Variants in KHDRBS2 observed in about 807,000 individuals in gnomAD.
KHDRBS2 encodes KH domain-containing, RNA-binding, signal transduction-associated protein 2.
Under a neutral mutation model 44.3 loss-of-function variants are expected in KHDRBS2, and 26 were observed. The observed-to-expected ratio is 0.59, with a 90% CI of 0.43 to 0.81. The LOEUF (loss-of-function observed/expected upper bound fraction) is 0.81. Among genes scored for constraint, KHDRBS2 ranks in the 40% least tolerant of loss-of-function variants. The pLI, the probability that KHDRBS2 is intolerant of heterozygous loss-of-function variation, is 0.00. For synonymous variants in KHDRBS2, 194 were observed against 151.1 expected, an observed-to-expected ratio of 1.28 and a Z score of -2.08; for missense variants, 476 against 433.1, an observed-to-expected ratio of 1.10 and a Z score of -0.88.
chr6:61,944,630 T>C (rs1427594654), intron 4 of KHDRBS2, among the ~76,000 whole-genome samples: 1 of 151,914 alleles, frequency 6.6e-6, no homozygotes, highest in East Asian at 1.9e-4. Flanking sequence ...TATTAACATA[T>C]TACAAAATAG....
intron 1 of KHDRBS2, among the ~76,000 whole-genome samples, chr6:62,264,173 A>T (rs1196990962): frequency 6.6e-6 from 1 of 151,870 alleles, no homozygotes; most frequent in Non-Finnish European, 1.5e-5. Context: ...TCCCAAAGTC[A>T]GCAAATATAG....
At chr6:61,848,328 T>C (rs889146350) in intron 6 of KHDRBS2, among the ~76,000 whole-genome samples, 1 of 150,038 alleles carries the variant, frequency 6.7e-6, no homozygotes, top group Non-Finnish European at 1.5e-5. Context: ...GAGCTTGAAA[T>C]ACCTGTAGAA....
intron 3 of KHDRBS2, among the ~76,000 whole-genome samples, chr6:61,996,245 TATTTACATGAAAATA>T (rs1350948711): frequency 1.3e-5 from 2 of 152,206 alleles, no homozygotes; most frequent in African/African-American, 4.8e-5. Flanking sequence ...TTTCAAAAAG[TATTTACATGAAAATA>T]ATTTACATGA....
chr6:61,977,187 G>A (rs1772849239), intron 4 of KHDRBS2, among the ~76,000 whole-genome samples: 1 of 151,958 alleles, frequency 6.6e-6, no homozygotes, highest in African/African-American at 2.4e-5. Context: ...TTAGAAATCT[G>A]CAGTTTCTTC....
At chr6:62,133,045 G>T (rs1204617973) in intron 2 of KHDRBS2, among the ~76,000 whole-genome samples, 2 of 152,130 alleles carry the variant, frequency 1.3e-5, no homozygotes, top group Non-Finnish European at 1.5e-5. Context: ...ACACAAAGCA[G>T]CCATAGACAA....
chr6:61,923,823 G>A (rs1376118409), intron 4 of KHDRBS2, among the ~76,000 whole-genome samples: 2 of 151,956 alleles, frequency 1.3e-5, no homozygotes, highest in Non-Finnish European at 2.9e-5. Flanking sequence ...AATTGAACAA[G>A]GCAAGAAAAG....
At chr6:61,818,508 T>C (rs1254221825) in intron 6 of KHDRBS2, among the ~76,000 whole-genome samples, 4 of 151,958 alleles carry the variant, frequency 2.6e-5, no homozygotes, top group African/African-American at 9.7e-5. Context: ...GATCCTGGTC[T>C]CTTCATACTG....
At chr6:61,580,741 C>A in the KHDRBS2 span, among the ~76,000 whole-genome samples, 780 of 152,182 alleles carry the variant, frequency 5.1e-3, 3 homozygotes, top group African/African-American at 0.018. Context: ...AGGTCTGCGG[C>A]TTCATTCCTG....
chr6:62,012,974 T>C (rs1780572826), intron 3 of KHDRBS2, among the ~76,000 whole-genome samples: 1 of 152,170 alleles, frequency 6.6e-6, no homozygotes, highest in African/African-American at 2.4e-5. Context: ...AATGAACATA[T>C]GGTGTTGTGG....
the KHDRBS2 span, among the ~76,000 whole-genome samples, chr6:61,554,161 G>T: frequency 6.6e-6 from 1 of 152,150 alleles, no homozygotes; most frequent in East Asian, 1.9e-4. Context: ...ACTAGAACTT[G>T]CTTTATGAAT....
At chr6:61,776,761 C>T (rs1350088410) in intron 6 of KHDRBS2, among the ~76,000 whole-genome samples, 1 of 152,062 alleles carries the variant, frequency 6.6e-6, no homozygotes, top group Non-Finnish European at 1.5e-5. Flanking sequence ...CTAGAAATAC[C>T]ATTAAACCCA....
the KHDRBS2 span, among the ~76,000 whole-genome samples, chr6:61,643,874 T>C: frequency 2.3e-3 from 349 of 152,292 alleles, 2 homozygotes; most frequent in African/African-American, 8.1e-3. Context: ...AAAATGGTCA[T>C]ACTGCCAAAA....
chr6:61,568,569 A>T, the KHDRBS2 span, among the ~76,000 whole-genome samples: 1 of 152,214 alleles, frequency 6.6e-6, no homozygotes, highest in Non-Finnish European at 1.5e-5. Context: ...TCTACAAGGC[A>T]GGTGAAAAAC....
chr6:62,084,027 T>C (rs778014148), intron 2 of KHDRBS2, among the ~76,000 whole-genome samples: 5 of 152,214 alleles, frequency 3.3e-5, no homozygotes, highest in Non-Finnish European at 7.3e-5. Flanking sequence ...TAGAGAATGA[T>C]ATAACCAGAT....
At chr6:62,205,336 T>C (rs1827765344) in intron 1 of KHDRBS2, among the ~76,000 whole-genome samples, 1 of 152,186 alleles carries the variant, frequency 6.6e-6, no homozygotes, top group African/African-American at 2.4e-5. Flanking sequence ...AAGATATTTA[T>C]AGTTCTTGAC....
intron 2 of KHDRBS2, among the ~76,000 whole-genome samples, chr6:62,073,530 C>CTTTTTTT (rs60124030): frequency 1.3e-3 from 164 of 124,242 alleles, no homozygotes; most frequent in Middle Eastern, 4.9e-3. Context: ...TTTCTTTTTT[C>CTTTTTTT]TTTTTTTTTT....
chr6:61,642,373 A>C, the KHDRBS2 span, among the ~76,000 whole-genome samples: 2 of 151,952 alleles, frequency 1.3e-5, no homozygotes, highest in Non-Finnish European at 2.9e-5. Context: ...AATAATTTTT[A>C]GGCCAGGCGC....
chr6:61,929,338 C>G (rs1809582815), intron 4 of KHDRBS2, among the ~76,000 whole-genome samples: 1 of 152,180 alleles, frequency 6.6e-6, no homozygotes, highest in South Asian at 2.1e-4. Flanking sequence ...TCATAGCTGT[C>G]TTTTAACAGG....
At chr6:61,637,393 G>C in the KHDRBS2 span, among the ~76,000 whole-genome samples, 1 of 152,036 alleles carries the variant, frequency 6.6e-6, no homozygotes, top group South Asian at 2.1e-4. Context: ...ATAGTATTCT[G>C]TGGTGTATAT....
Sources: gnomAD v4.1 joint callset for allele counts (sites outside exome capture counted in the v4.1 genomes callset) on GRCh38, gnomAD v4.1.1 for gene constraint, MANE v1.5 for transcripts, NCBI Gene and HGNC (gene_info 2026-07-23, HGNC 2026-07-21) for gene names.